Variants in DLG4 observed in about 807,000 individuals in gnomAD.
The protein encoded by DLG4 is disks large homolog 4.
A neutral mutation model predicts 93.8 loss-of-function variants in DLG4; 7 were observed. The observed-to-expected ratio is 0.07, with a 90% CI of 0.04 to 0.14. DLG4 has a LOEUF of 0.14. DLG4 is among the 10% of genes least tolerant of loss of function. The pLI is 1.00. For synonymous variants in DLG4, 341 were observed against 387.6 expected (o/e 0.88, Z 1.41); for missense variants, 545 against 992.9 (o/e 0.55, Z 6.06).
Position 7,193,386 on chromosome 17 carries a change from G to T in DLG4, c.1693+97C>A. 1 of 1,222,202 alleles carries T rather than the reference G, an allele frequency of 8.2e-7. No homozygotes were observed. The highest frequency in any genetic ancestry group is 1.1e-6 in the Non-Finnish European group (1 of 901,020). 75.7% of individuals were successfully genotyped at this position (1,222,202 alleles called of 1,614,324 possible). A position where few individuals can be genotyped will look rare whatever the true frequency, so the allele number is the denominator to read the frequency against. On this transcript the variant is annotated intron_variant, in intron 16 of 19. Coordinates refer to ENST00000399506, the MANE Select transcript of DLG4 (RefSeq NM_001321075.3). This position sits in a 1 kb window ranked among gnomAD's most constrained non-coding sequence, Gnocchi z 6.7. ...GAAACCCTGTATCTCCCTACACACC[G>T]ATCCCCCAGGAGGCTCTGCCTATGG...
rs1412059642 is a variant in DLG4 at position 7,194,036 on chromosome 17, AT to A, written c.1479-37del. 5.0e-6 allele frequency: 8 copies of A among 1,608,912 alleles called. No homozygotes were observed. Among genetic ancestry groups the A allele is most frequent in the Non-Finnish European group, 6.8e-6 (8 of 1,177,504 alleles). Reference sequence around the variant, plus strand: ...CATGGAGGGATACGCGGGTAGGGGAATGCCTACCCCCTGCCACCCCCATGCT... The same window carrying A: ...CATGGAGGGATACGCGGGTAGGGGAAGCCTACCCCCTGCCACCCCCATGCT... On this transcript the variant is annotated intron_variant, in intron 12 of 19. Coordinates refer to ENST00000399506, the MANE Select transcript of DLG4 (RefSeq NM_001321075.3). The surrounding 1 kb of genome is among the most constrained non-coding windows in gnomAD (Gnocchi z 4.4).
intron 8 of DLG4, 138 bp downstream of exon 8, chr17:7,202,765 C>A: frequency 9.4e-7 from 1 of 1,062,766 alleles, no homozygotes; most frequent in Middle Eastern, 2.1e-4. Flanking sequence ...TCTTCTCCAA[C>A]AACAGCAAGG....
At position 7,208,013 on chromosome 17, in the gene DLG4, G is replaced by T. The variant is rs937592864; in HGVS notation, c.96+161C>A. 25 of 1,207,916 alleles carry T rather than the reference G, an allele frequency of 2.1e-5. No homozygotes were observed. Among genetic ancestry groups the T allele is most frequent in the Admixed American group, 8.3e-5 (2 of 24,188 alleles). The allele number at this position is 1,207,916 out of a possible 1,614,324, so 74.8% of individuals were successfully genotyped here. A position where few individuals can be genotyped will look rare whatever the true frequency, so the allele number is the denominator to read the frequency against. On this transcript the variant is annotated intron_variant, in intron 2 of 19. Transcript: ENST00000399506. The surrounding 1 kb of genome is among the most constrained non-coding windows in gnomAD (Gnocchi z 5.4). ...CTCTCTCACCCTACCGGCCCTTAGGGATTGCTGCAGCTCCGAGGCTCCGAG... is the reference window on the plus strand; with the variant it reads ...CTCTCTCACCCTACCGGCCCTTAGGTATTGCTGCAGCTCCGAGGCTCCGAG...
chr17:7,219,368 A>G (rs1052364056), upstream of DLG4: 2 of 1,007,692 alleles, frequency 2.0e-6, no homozygotes, highest in Non-Finnish European at 2.4e-6. Flanking sequence ...CAGAGGCTTT[A>G]CTAAGGGAGG....
intron 1 of DLG4, among the ~76,000 whole-genome samples, chr17:7,211,466 C>A (rs2070701584): frequency 6.6e-6 from 1 of 151,584 alleles, no homozygotes; most frequent in South Asian, 2.1e-4. Flanking sequence ...AGGCTTGCAC[C>A]CCCAAAACAT....
upstream of DLG4, chr17:7,218,755 G>A: frequency 9.4e-6 from 15 of 1,592,678 alleles, no homozygotes; most frequent in African/African-American, 1.3e-5. Context: ...GGAAAGATTT[G>A]GGGAGAAGGA....
chr17:7,208,319 T>C lies in DLG4; in HGVS notation c.31-80A>G. On this transcript the variant is annotated intron_variant, in intron 1 of 19. Coordinates refer to ENST00000399506, the MANE Select transcript of DLG4 (RefSeq NM_001321075.3). The surrounding 1 kb of genome is among the most constrained non-coding windows in gnomAD (Gnocchi z 5.4). ...GCTGGCCGCCCTGGCCGCCGCCTCT[T>C]CCCCCAGCCAGTGCAGTGCGGAAGG... The C allele has an allele frequency of 8.1e-7, 1 of 1,240,944 alleles. No homozygotes were observed. The allele number at this position is 1,240,944 out of a possible 1,614,324, so 76.9% of individuals were successfully genotyped here.
intron 1 of DLG4, among the ~76,000 whole-genome samples, chr17:7,210,851 G>A (rs1175823939): frequency 6.6e-6 from 1 of 151,956 alleles, no homozygotes; most frequent in African/African-American, 2.4e-5. Context: ...AACATGAGGA[G>A]GGCCATTTCA....
intron 1 of DLG4, among the ~76,000 whole-genome samples, chr17:7,215,105 C>T (rs927456656): frequency 1.1e-4 from 17 of 152,184 alleles, no homozygotes; most frequent in Admixed American, 2.0e-4. Flanking sequence ...CCACAACTCC[C>T]AACAGCGCCA....
At chr17:7,192,174 G>C in intron 17 of DLG4, 172 bp from the exon 18 acceptor site, 1 of 472,134 alleles carries the variant, frequency 2.1e-6, no homozygotes, top group Non-Finnish European at 3.7e-6. Flanking sequence ...AGCGGGTATG[G>C]ACAGAGTAAA....
intron 17 of DLG4, 66 bp from the exon 18 acceptor site, chr17:7,192,068 G>C: frequency 2.3e-6 from 2 of 884,294 alleles, no homozygotes; most frequent in Non-Finnish European, 3.3e-6. Flanking sequence ...GAGCAGTGCC[G>C]GAGGGACACG....
rs112911748 is a variant in DLG4 at position 7,196,417 on chromosome 17, G to A, written c.1186+56C>T. ...CTCCCCTACTGAAGCCATCAGCTGA[G>A]GAAGAGTTCTAAGGGCCATTTCAGC... On this transcript the variant is annotated intron_variant, in intron 10 of 19. Transcript: ENST00000399506. This position sits in a 1 kb window ranked among gnomAD's most constrained non-coding sequence, Gnocchi z 8.3. 1.0e-4 allele frequency: 163 copies of A among 1,609,422 alleles called. No individual in the cohort carries two copies. Among genetic ancestry groups the A allele is most frequent in the Non-Finnish European group, 1.2e-4 (145 of 1,175,900 alleles).
At chr17:7,216,011 C>G (rs993644320) in intron 1 of DLG4, among the ~76,000 whole-genome samples, 1 of 151,348 alleles carries the variant, frequency 6.6e-6, no homozygotes, top group Admixed American at 6.6e-5. Context: ...ACCAGGAGCT[C>G]GCCTGTGCTC....
chr17:7,192,852 GAC>G, intron 17 of DLG4, 91 bp downstream of exon 17: 3 of 1,367,870 alleles, frequency 2.2e-6, no homozygotes, highest in South Asian at 1.4e-5. Context: ...CAGGGAAAGA[GAC>G]AGAGAGAGAG....
In DLG4 at chr17:7,190,809, C is replaced by T. The variant is rs758653979; in HGVS notation, c.2074G>A (p.Val692Met). Reference sequence around the variant, plus strand: ...ATCTCCTCAAAGCTGTCACCCTCCACGATGGCTGGGAGTGGGGTGGAGCAG... The same window carrying T: ...ATCTCCTCAAAGCTGTCACCCTCCATGATGGCTGGGAGTGGGGTGGAGCAG... ...QEFTECFSAI[V>M]EGDSFEEIYH... Residue 692 changes from valine to methionine, a missense_variant, in exon 20 of 20, where the codon GTG becomes ATG. Physicochemically the swap from Val to Met is conservative, Grantham distance 21 (BLOSUM62 1). Coordinates refer to ENST00000399506, the MANE Select transcript of DLG4 (RefSeq NM_001321075.3). The T allele has an allele frequency of 3.7e-6, 6 of 1,612,636 alleles. No homozygotes were observed. The highest frequency in any genetic ancestry group is 5.1e-6 in the Non-Finnish European group (6 of 1,179,490).
rs2069391475 is a variant in DLG4 at position 7,189,655 on chromosome 17, G to T, written c.*1053C>A. 6.6e-6 allele frequency among the ~76,000 whole-genome samples: 1 copy of T among 152,132 alleles called. No individual in the cohort carries two copies. Among genetic ancestry groups the T allele is most frequent in the South Asian group, 2.1e-4 (1 of 4,828 alleles). ...CAGGGATCAGAGCTGGACTAAGTCT[G>T]CAGGGCCCCAGACAAGTTCCAGCCT... On this transcript the variant is annotated 3_prime_UTR_variant, in exon 20 of 20. Transcript: ENST00000399506.
chr17:7,203,249 C>T lies in DLG4; in HGVS notation c.586G>A (p.Glu196Lys). ...CCATCCTTGTGGGCAGCACCCCCTT[C>T]GATGATCTTTGTTACATAGATGCTA... is the stretch of plus-strand genomic sequence containing the variant. ...DNSIYVTKII[E>K]GGAAHKDGRL... is the part of the protein sequence containing the mutation. Residue 196 changes from glutamate (E) to lysine (K), a missense_variant, in exon 7 of 20, where the codon GAA (glutamate) becomes AAA (lysine). Transcript: ENST00000399506. The surrounding 1 kb of genome is among the most constrained non-coding windows in gnomAD (Gnocchi z 7.2). 1.2e-6 allele frequency: 2 copies of T among 1,610,648 alleles called. No homozygotes were observed. The highest frequency in any genetic ancestry group is 1.7e-6 in the Non-Finnish European group (2 of 1,177,118).
chr17:7,207,348 GAGCCAGCC>G (rs543025747), intron 2 of DLG4, among the ~76,000 whole-genome samples: 301 of 152,010 alleles, frequency 2.0e-3, no homozygotes, highest in African/African-American at 7.0e-3. Flanking sequence ...ACAGCATCAA[GAGCCAGCC>G]AGCCAGCCAG....
At chr17:7,213,866 C>G (rs763007947) in intron 1 of DLG4, 31 of 470,990 alleles carry the variant, frequency 6.6e-5, no homozygotes, top group Non-Finnish European at 8.8e-5. Flanking sequence ...CCCCAATGTC[C>G]TAGTTTCATA....
Sources: gnomAD v4.1 joint callset for allele counts (sites outside exome capture counted in the v4.1 genomes callset) on GRCh38, gnomAD v4.1.1 for gene constraint, Gnocchi (gnomAD v3.1) non-coding constraint, MANE v1.5 for transcripts, NCBI Gene and HGNC (gene_info 2026-07-23, HGNC 2026-07-21) for gene names.